Variants in ADGRB3 observed in about 807,000 individuals in gnomAD.
ADGRB3 encodes adhesion G protein-coupled receptor B3, also known as brain-specific angiogenesis inhibitor 3.
Under a neutral mutation model 193.4 loss-of-function variants are expected in ADGRB3, and 37 were observed. The observed-to-expected ratio is 0.19, with a 90% CI of 0.15 to 0.25. The LOEUF (loss-of-function observed/expected upper bound fraction) is 0.25, where lower values mean the gene tolerates loss of function less well. ADGRB3 is among the 10% of genes least tolerant of loss of function. The pLI, the probability that ADGRB3 is intolerant of heterozygous loss-of-function variation, is 1.00. For missense variants in ADGRB3, 1,637 were observed against 1,852.9 expected (o/e 0.88, Z 2.14); for synonymous variants, 690 against 644.2 (o/e 1.07, Z -1.08).
At chr6:69,143,675 G>A (rs1390819193) in intron 17 of ADGRB3, among the ~76,000 whole-genome samples, 3 of 152,086 alleles carry the variant, frequency 2.0e-5, no homozygotes, top group African/African-American at 7.2e-5. Flanking sequence ...CACCTTTGTG[G>A]TAAATGAGTT....
chr6:68,645,120 G>T (rs1057333331), intron 3 of ADGRB3, among the ~76,000 whole-genome samples: 2 of 151,946 alleles, frequency 1.3e-5, no homozygotes, highest in African/African-American at 2.4e-5. Flanking sequence ...AAGCAGTCCG[G>T]CCCTTGGAAA....
chr6:69,346,818 A>G (rs1478628335), intron 26 of ADGRB3, among the ~76,000 whole-genome samples: 1 of 152,236 alleles, frequency 6.6e-6, no homozygotes, highest in Non-Finnish European at 1.5e-5. Context: ...ATGTAGAACC[A>G]GAAATACCAT....
At position 69,331,949 on chromosome 6, in the gene ADGRB3, C is replaced by G. The variant is rs1003599428; in HGVS notation, c.3103-974C>G. The G allele has an allele frequency of 3.0e-6, 3 of 985,170 alleles. No homozygotes were observed. In the African/African-American group the frequency reaches 5.2e-5, roughly 17 times the overall value. The allele number at this position is 985,170 out of a possible 1,614,324, so 61.0% of individuals were successfully genotyped here. A position where few individuals can be genotyped will look rare whatever the true frequency, so the allele number is the denominator to read the frequency against. ...AAGAGTGACTCTTCCTAAGTCCATA[C>G]TTAATAGGTATGTTTTGCATCTTCC... is the stretch of plus-strand genomic sequence containing the variant. On this transcript the variant is annotated intron_variant, in intron 23 of 31. Transcript: ENST00000370598.
At chr6:69,253,089 A>G (rs2127267961) in intron 20 of ADGRB3, among the ~76,000 whole-genome samples, 1 of 152,166 alleles carries the variant, frequency 6.6e-6, no homozygotes, top group South Asian at 2.1e-4. Flanking sequence ...TTGCAAAATC[A>G]GTTGACTGTA....
chr6:69,304,498 T>C (rs181015169), intron 20 of ADGRB3, among the ~76,000 whole-genome samples: 6 of 151,786 alleles, frequency 4.0e-5, no homozygotes, highest in Admixed American at 3.9e-4. Flanking sequence ...CTACATAGCT[T>C]AGATGCTGCA....
intron 20 of ADGRB3, among the ~76,000 whole-genome samples, chr6:69,316,147 A>C (rs1768305597): frequency 6.6e-6 from 1 of 151,296 alleles, no homozygotes; most frequent in South Asian, 2.1e-4. Context: ...CCTTTAGCTC[A>C]TTTATTTGAG....
chr6:69,115,958 G>T (rs1374248046), intron 17 of ADGRB3, among the ~76,000 whole-genome samples: 1 of 151,670 alleles, frequency 6.6e-6, no homozygotes, highest in Non-Finnish European at 1.5e-5. Context: ...TTAAGGAATT[G>T]GTTTGCACAA....
At chr6:69,120,203 T>G (rs780994146) in intron 17 of ADGRB3, among the ~76,000 whole-genome samples, 3 of 152,232 alleles carry the variant, frequency 2.0e-5, no homozygotes, top group African/African-American at 4.8e-5. Context: ...CTTTAAAGTC[T>G]GGAGGTTATG....
At chr6:68,935,356 T>A (rs143469906) in intron 4 of ADGRB3, among the ~76,000 whole-genome samples, 1 of 152,200 alleles carries the variant, frequency 6.6e-6, no homozygotes, top group Non-Finnish European at 1.5e-5. Context: ...TGAGTAGCAC[T>A]GCAAATAATT....
At chr6:68,910,741 C>T (rs1194002461) in intron 3 of ADGRB3, among the ~76,000 whole-genome samples, 3 of 152,098 alleles carry the variant, frequency 2.0e-5, no homozygotes, top group Non-Finnish European at 4.4e-5. Context: ...TTTCTGAGGG[C>T]TCTGTTCTGT....
intron 3 of ADGRB3, among the ~76,000 whole-genome samples, chr6:68,808,141 ATCT>A (rs1485985243): frequency 2.0e-5 from 3 of 152,314 alleles, no homozygotes; most frequent in African/African-American, 7.2e-5. Flanking sequence ...CAATGGATAA[ATCT>A]TCTTACACAA....
At chr6:69,049,991 A>G (rs1393844748) in intron 15 of ADGRB3, among the ~76,000 whole-genome samples, 1 of 152,168 alleles carries the variant, frequency 6.6e-6, no homozygotes, top group Non-Finnish European at 1.5e-5. Context: ...ATTCACATCT[A>G]CTTGGATTGT....
chr6:69,039,264 A>C (rs1056908603), intron 13 of ADGRB3, among the ~76,000 whole-genome samples: 10 of 151,574 alleles, frequency 6.6e-5, no homozygotes, highest in South Asian at 2.1e-4. Flanking sequence ...AAAAAAAAAA[A>C]ACATATGTTT....
intron 6 of ADGRB3, among the ~76,000 whole-genome samples, chr6:68,951,151 A>G (rs1441253981): frequency 6.6e-6 from 1 of 152,196 alleles, no homozygotes; most frequent in East Asian, 1.9e-4. Context: ...TTTAATTTTT[A>G]ATTTTTCTTT....
intron 6 of ADGRB3, among the ~76,000 whole-genome samples, chr6:68,953,349 T>C (rs1054662431): frequency 2.6e-5 from 4 of 152,198 alleles, no homozygotes; most frequent in Non-Finnish European, 5.9e-5. Context: ...AATGTGCTGC[T>C]TTCTTTCTGA....
rs974043708 is a variant in ADGRB3, at chr6:68,944,008, G to A, written c.1195+14G>A. The stretch of plus-strand genomic sequence containing the variant: ...CTCTTTGCCCAGGTGAGCCTATTCT[G>A]CATTTGGTTATGTTTGCATTATGTG... On this transcript the variant is annotated intron_variant, in intron 6 of 31. Transcript: ENST00000370598. 3 of 1,582,690 alleles carry A rather than the reference G, an allele frequency of 1.9e-6. No homozygotes were observed. In the African/African-American group the frequency reaches 4.0e-5, roughly 21 times the overall value.
intron 13 of ADGRB3, among the ~76,000 whole-genome samples, chr6:69,031,629 C>A (rs1224884777): frequency 7.4e-6 from 1 of 134,960 alleles, no homozygotes; most frequent in Non-Finnish European, 1.6e-5. Flanking sequence ...TTTTCTTTTC[C>A]TTTCTTTCTT....
intron 3 of ADGRB3, among the ~76,000 whole-genome samples, chr6:68,661,685 C>A (rs954506525): frequency 6.7e-6 from 1 of 149,816 alleles, no homozygotes; most frequent in East Asian, 2.0e-4. Flanking sequence ...ACAGGCTAGG[C>A]GCTTTTGATT....
intron 3 of ADGRB3, among the ~76,000 whole-genome samples, chr6:68,813,833 T>G (rs1270330583): frequency 1.3e-5 from 2 of 152,200 alleles, no homozygotes; most frequent in African/African-American, 4.8e-5. Context: ...TGCGATAGTT[T>G]GCTGAGAATG....
Sources: gnomAD v4.1 joint callset for allele counts (sites outside exome capture counted in the v4.1 genomes callset) on GRCh38, gnomAD v4.1.1 for gene constraint, MANE v1.5 for transcripts, NCBI Gene and HGNC (gene_info 2026-07-23, HGNC 2026-07-21) for gene names.